Variants in PIGL observed in about 807,000 individuals in gnomAD.
PIGL encodes the protein phosphatidylinositol glycan anchor biosynthesis class L.
A neutral mutation model predicts 31.1 loss-of-function variants in PIGL; 22 were observed. The ratio of observed to expected loss-of-function variants is 0.71; its 90% CI spans 0.51 to 1.01. The LOEUF is 1.01. Among genes scored for constraint, PIGL ranks in the 50% least tolerant of loss-of-function variants. PIGL has a pLI of 0.00. For synonymous variants in PIGL, 131 were observed against 117.4 expected, an observed-to-expected ratio of 1.12 and a Z score of -0.75; for missense variants, 302 against 315.9, an observed-to-expected ratio of 0.96 and a Z score of 0.33.
intron 2 of PIGL, among the ~76,000 whole-genome samples, chr17:16,237,626 C>T (rs2092704770): frequency 6.6e-6 from 1 of 150,700 alleles, no homozygotes; most frequent in African/African-American, 2.4e-5. Flanking sequence ...CGTGGTGAAA[C>T]CCCGTCTCTA....
chr17:16,275,439 T>C (rs2092890770), intron 2 of PIGL, among the ~76,000 whole-genome samples: 1 of 152,190 alleles, frequency 6.6e-6, no homozygotes, highest in South Asian at 2.1e-4. Context: ...GACGTGTATT[T>C]TGTGCTGACC....
At chr17:16,217,561 G>C in intron 1 of PIGL, 100 bp downstream of exon 1, 1 of 927,288 alleles carries the variant, frequency 1.1e-6, no homozygotes. Flanking sequence ...TCCGTAGGGA[G>C]CTAAGTGAAT....
intron 3 of PIGL, among the ~76,000 whole-genome samples, chr17:16,311,484 T>TTTTTTTTTTTTTTTTTTTTAA: frequency 8.8e-6 from 1 of 113,746 alleles, no homozygotes; most frequent in African/African-American, 3.4e-5. Flanking sequence ...TTTTTTTTGA[T>TTTTTTTTTTTTTTTTTTTTAA]CATTCTTGGG....
At position 16,235,271 on chromosome 17, in the gene PIGL, A is replaced by C. The variant is rs139003650; in HGVS notation, c.335+1201A>C. Among the ~76,000 whole-genome samples the C allele has an allele frequency of 4.6e-3, 703 of 152,232 alleles. 5 individuals are homozygous for C. Among genetic ancestry groups the C allele is most frequent in the African/African-American group, 0.016 (663 of 41,538 alleles). ...ATTTCCTTTTACAATTGGTTTACTC[A>C]AATCAGGATTTCGACAAGGACCACA... On this transcript the variant is annotated intron_variant, in intron 2 of 6. Transcript: ENST00000225609.
intron 1 of PIGL, among the ~76,000 whole-genome samples, chr17:16,223,935 G>A (rs2092640404): frequency 6.6e-6 from 1 of 152,054 alleles, no homozygotes; most frequent in South Asian, 2.1e-4. Context: ...AGCTACACTA[G>A]GCCAGAAGTG....
At chr17:16,231,641 AT>A (rs2092679897) in intron 1 of PIGL, among the ~76,000 whole-genome samples, 1 of 152,160 alleles carries the variant, frequency 6.6e-6, no homozygotes, top group South Asian at 2.1e-4. Context: ...ATTATGATGT[AT>A]AAATTTGAGT....
In PIGL at chr17:16,217,245, C is replaced by G. The variant is rs747774912; in HGVS notation, c.19C>G (p.Leu7Val). ...ACCCATCATGGAAGCAATGTGGCTC[C>G]TGTGTGTGGCGTTGGCGGTCTTGGC... MEAMWL[L>V]CVALAVLAWG... Residue 7 changes from leucine (L) to valine (V), a missense_variant, in exon 1 of 7, where the codon CTG (leucine) becomes GTG (valine). Physicochemically the swap from Leu to Val is conservative, Grantham distance 32. Coordinates refer to ENST00000225609, the MANE Select transcript of PIGL (RefSeq NM_004278.4). The G allele has an allele frequency of 1.2e-6, 2 of 1,614,102 alleles. No homozygotes were observed. The highest frequency in any genetic ancestry group is 1.7e-5 in the Admixed American group (1 of 60,004).
In PIGL at chr17:16,288,289, C is replaced by G. The variant is rs2092946375; in HGVS notation, c.336-11599C>G. Reference sequence around the variant, plus strand: ...TGGCTCAGTCTCGGCTCACTGCAGCCCCCACCTCCCAGGTTGAGGCTATTC... The same window carrying G: ...TGGCTCAGTCTCGGCTCACTGCAGCGCCCACCTCCCAGGTTGAGGCTATTC... On this transcript the variant is annotated intron_variant, in intron 2 of 6. Coordinates refer to ENST00000225609, the MANE Select transcript of PIGL (RefSeq NM_004278.4). Among the ~76,000 whole-genome samples, 6 of 152,168 alleles carry G rather than the reference C, an allele frequency of 3.9e-5. No homozygotes were observed. In the South Asian group the frequency reaches 1.2e-3, roughly 32 times the overall value.
At chr17:16,265,503 G>A (rs929126689) in intron 2 of PIGL, among the ~76,000 whole-genome samples, 2 of 152,128 alleles carry the variant, frequency 1.3e-5, no homozygotes, top group African/African-American at 4.8e-5. Context: ...AGCACTTTGG[G>A]AGGCTGAGGT....
At chr17:16,274,071 G>GT (rs1174442639) in intron 2 of PIGL, among the ~76,000 whole-genome samples, 6 of 152,176 alleles carry the variant, frequency 3.9e-5, no homozygotes, top group Non-Finnish European at 7.3e-5. Context: ...GGCTTCTAGA[G>GT]TCTACTTAAT....
chr17:16,227,578 C>CTTTTTTTTTTTTTTTTTTTTTTTTTTTTT (rs57452229), intron 1 of PIGL, among the ~76,000 whole-genome samples: 1 of 103,196 alleles, frequency 9.7e-6, no homozygotes, highest in African/African-American at 3.9e-5. Flanking sequence ...ATTTTCTTTT[C>CTTTTTTTTTTTTTTTTTTTTTTTTTTTTT]TTTTTTTTTT....
At chr17:16,311,893 A>G (rs982430091) in intron 3 of PIGL, among the ~76,000 whole-genome samples, 6 of 152,132 alleles carry the variant, frequency 3.9e-5, no homozygotes, top group Admixed American at 1.3e-4. Flanking sequence ...TGATTTCTCT[A>G]TCTTTTCCCC....
intron 2 of PIGL, among the ~76,000 whole-genome samples, chr17:16,260,756 A>G (rs2092815924): frequency 6.6e-6 from 1 of 152,030 alleles, no homozygotes; most frequent in South Asian, 2.1e-4. Context: ...CTCACCCTCT[A>G]GTTGTCCGTG....
intron 2 of PIGL, among the ~76,000 whole-genome samples, chr17:16,238,825 C>T (rs2092710456): frequency 1.4e-5 from 2 of 146,468 alleles, no homozygotes; most frequent in South Asian, 4.5e-4. Context: ...AGGAGAACTG[C>T]TTGAACACAG....
chr17:16,230,351 C>T (rs935435095), intron 1 of PIGL, among the ~76,000 whole-genome samples: 8 of 152,164 alleles, frequency 5.3e-5, no homozygotes, highest in African/African-American at 9.7e-5. Context: ...CTTCACTGTT[C>T]CTTTTGTCCC....
intron 1 of PIGL, among the ~76,000 whole-genome samples, chr17:16,232,782 G>T (rs201200621): frequency 4.5e-5 from 6 of 133,668 alleles, no homozygotes; most frequent in Non-Finnish European, 8.4e-5. Flanking sequence ...AAAAAAAAAC[G>T]CAAAAAAAGG....
chr17:16,301,308 A>G (rs1159961130), intron 3 of PIGL, among the ~76,000 whole-genome samples: 3 of 151,426 alleles, frequency 2.0e-5, no homozygotes, highest in African/African-American at 7.3e-5. Flanking sequence ...TCCATCGCCC[A>G]GGCTGGAGTG....
At chr17:16,317,988 G>C in intron 6 of PIGL, 80 bp downstream of exon 6, 1 of 1,269,212 alleles carries the variant, frequency 7.9e-7, no homozygotes, top group Non-Finnish European at 1.1e-6. Context: ...CACCTCTGCA[G>C]AAGCCCTAAC....
intron 5 of PIGL, 88 bp from the exon 6 acceptor site, chr17:16,317,687 A>C: frequency 6.3e-7 from 1 of 1,588,904 alleles, no homozygotes; most frequent in Non-Finnish European, 8.6e-7. Flanking sequence ...CCCTGCCCTG[A>C]GCCACAGGGT....
Sources: gnomAD v4.1 joint callset for allele counts (sites outside exome capture counted in the v4.1 genomes callset) on GRCh38, gnomAD v4.1.1 for gene constraint, MANE v1.5 for transcripts, NCBI Gene and HGNC (gene_info 2026-07-23, HGNC 2026-07-21) for gene names.